The following PTPRR variants were observed in gnomAD, a reference collection of about 807,000 sequenced individuals.
The protein encoded by PTPRR is protein tyrosine phosphatase receptor type R.
Under a neutral mutation model 77.2 loss-of-function variants are expected in PTPRR, and 38 were observed. That is an observed-to-expected ratio of 0.49 (90% confidence interval 0.38 to 0.65). The LOEUF is 0.65. Among genes scored for constraint, PTPRR ranks in the 30% least tolerant of loss-of-function variants. PTPRR has a pLI of 0.00. For missense variants in PTPRR, 744 were observed against 799.2 expected, an observed-to-expected ratio of 0.93 and a Z score of 0.83; for synonymous variants, 299 against 283.1, an observed-to-expected ratio of 1.06 and a Z score of -0.57.
intron 5 of PTPRR, 117 bp downstream of exon 5, chr12:70,754,074 G>T: frequency 2.1e-6 from 2 of 948,620 alleles, no homozygotes; most frequent in South Asian, 1.7e-5. Flanking sequence ...AATCTAGCAG[G>T]ATCATAGTCT....
At chr12:70,659,431 A>G (rs1592643636) in intron 12 of PTPRR, among the ~76,000 whole-genome samples, 1 of 152,162 alleles carries the variant, frequency 6.6e-6, no homozygotes, top group East Asian at 1.9e-4. Flanking sequence ...GACTGATTAG[A>G]TACTGATGTT....
intron 6 of PTPRR, among the ~76,000 whole-genome samples, chr12:70,704,877 G>T (rs1888561062): frequency 1.3e-5 from 2 of 152,082 alleles, no homozygotes; most frequent in South Asian, 4.1e-4. Context: ...CTTTTATTTT[G>T]TCTTGGAACT....
chr12:70,642,423 G>T (rs1199744504), intron 13 of PTPRR, among the ~76,000 whole-genome samples: 1 of 152,046 alleles, frequency 6.6e-6, no homozygotes, highest in East Asian at 1.9e-4. Context: ...CTCACTCCCA[G>T]CGTTGTGTCT....
Position 70,732,709 on chromosome 12 carries a change from C to T in PTPRR, c.1007+13109G>A, listed in dbSNP as rs1486966107. 2.0e-5 allele frequency among the ~76,000 whole-genome samples: 3 copies of T among 150,764 alleles called. No homozygotes were observed. The East Asian group carries it at 6.0e-4, about 30-fold the overall frequency. ...CCAAGTAGCTGGGATTACAGGCGCA[C>T]GTCACCACGCCTGGCTAATTTTTGT... On this transcript the variant is annotated intron_variant, in intron 6 of 13. Coordinates refer to ENST00000283228, the MANE Select transcript of PTPRR (RefSeq NM_002849.4).
chr12:70,912,870 A>T (rs758846492), intron 1 of PTPRR, among the ~76,000 whole-genome samples: 1 of 152,116 alleles, frequency 6.6e-6, no homozygotes, highest in Admixed American at 6.6e-5. Flanking sequence ...CGAAACTACT[A>T]ACATCCTTTA....
chr12:70,701,404 A>G, intron 6 of PTPRR, 81 bp from the exon 7 acceptor site: 1 of 1,240,040 alleles, frequency 8.1e-7, no homozygotes, highest in Non-Finnish European at 1.1e-6. Context: ...ACATGCACAC[A>G]ATTCAGTGAG....
intron 2 of PTPRR, among the ~76,000 whole-genome samples, chr12:70,839,071 C>G (rs1051896352): frequency 6.6e-6 from 1 of 152,070 alleles, no homozygotes; most frequent in Non-Finnish European, 1.5e-5. Flanking sequence ...TGTTTGCTGT[C>G]CACTTCTTTT....
At chr12:70,867,265 T>C (rs1384668736) in intron 2 of PTPRR, among the ~76,000 whole-genome samples, 1 of 152,042 alleles carries the variant, frequency 6.6e-6, no homozygotes, top group Admixed American at 6.6e-5. Context: ...TGTTTGTAGA[T>C]GACATGATTG....
chr12:70,883,780 TTTGA>T (rs1893188860), intron 2 of PTPRR, among the ~76,000 whole-genome samples: 1 of 152,226 alleles, frequency 6.6e-6, no homozygotes. Flanking sequence ...GGAAGCAGAC[TTTGA>T]TTGTCATGAA....
intron 13 of PTPRR, among the ~76,000 whole-genome samples, chr12:70,640,375 T>C (rs1885953753): frequency 6.6e-6 from 1 of 152,056 alleles, no homozygotes; most frequent in Admixed American, 6.6e-5. Context: ...AAGGCCTCAC[T>C]ATGTTGCCCA....
intron 1 of PTPRR, among the ~76,000 whole-genome samples, chr12:70,895,856 G>A (rs966388941): frequency 3.3e-5 from 5 of 151,630 alleles, no homozygotes; most frequent in Non-Finnish European, 7.4e-5. Flanking sequence ...TAAAAATTTT[G>A]GAAAAGTGAA....
chr12:70,870,013 G>T (rs1290019851), intron 2 of PTPRR, among the ~76,000 whole-genome samples: 1 of 152,184 alleles, frequency 6.6e-6, no homozygotes, highest in Admixed American at 6.5e-5. Flanking sequence ...GAAGGCTGTG[G>T]GAGGGGAGAG....
At chr12:70,767,034 C>A (rs572131368) in intron 2 of PTPRR, among the ~76,000 whole-genome samples, 210 of 152,176 alleles carry the variant, frequency 1.4e-3, no homozygotes, top group Non-Finnish European at 2.2e-3. Context: ...TGGAAAGGAA[C>A]AACCGGTACC....
At chr12:70,868,188 G>C (rs1275566248) in intron 2 of PTPRR, among the ~76,000 whole-genome samples, 1 of 151,982 alleles carries the variant, frequency 6.6e-6, no homozygotes, top group Non-Finnish European at 1.5e-5. Context: ...TTGACAAATG[G>C]GATCTAATTA....
In PTPRR at chr12:70,761,600, A is replaced by T; in HGVS notation, c.498T>A (p.Phe166Leu). ...CTGTTTTTCGGTTTATGGGAGACAC[A>T]AACAGTTCAATACTGTTCTTCTTTC... ...LIGKKNSIEL[F>L]VSPINRKTGI... is the part of the protein sequence containing the mutation. The change falls in exon 4 of 14, where the codon TTT becomes TTA. Residue 166 changes from phenylalanine (F) to leucine (L), a missense_variant. Transcript: ENST00000283228. 6.2e-7 allele frequency: 1 copy of T among 1,610,154 alleles called. No individual in the cohort carries two copies. Among genetic ancestry groups the T allele is most frequent in the South Asian group, 1.1e-5 (1 of 90,526 alleles).
intron 7 of PTPRR, among the ~76,000 whole-genome samples, chr12:70,699,398 T>C (rs1888341875): frequency 6.6e-6 from 1 of 152,198 alleles, no homozygotes; most frequent in Non-Finnish European, 1.5e-5. Flanking sequence ...AGCTGGACTA[T>C]ACTATGAATT....
At chr12:70,763,520 T>C (rs1481680523) in intron 3 of PTPRR, among the ~76,000 whole-genome samples, 2 of 152,198 alleles carry the variant, frequency 1.3e-5, no homozygotes, top group African/African-American at 2.4e-5. Context: ...CATTGTTGAT[T>C]CACAGAATAC....
At chr12:70,699,533 A>G (rs992829184) in intron 7 of PTPRR, among the ~76,000 whole-genome samples, 1 of 152,114 alleles carries the variant, frequency 6.6e-6, no homozygotes, top group African/African-American at 2.4e-5. Flanking sequence ...TGTAACCTCA[A>G]ACTCCTGGGC....
At chr12:70,764,276 T>C (rs1372063438) in intron 3 of PTPRR, among the ~76,000 whole-genome samples, 5 of 152,208 alleles carry the variant, frequency 3.3e-5, no homozygotes, top group South Asian at 2.1e-4. Flanking sequence ...TTACCTGATA[T>C]AGAAGCTTTC....
Sources: gnomAD v4.1 joint callset for allele counts (sites outside exome capture counted in the v4.1 genomes callset) on GRCh38, gnomAD v4.1.1 for gene constraint, MANE v1.5 for transcripts, NCBI Gene and HGNC (gene_info 2026-07-23, HGNC 2026-07-21) for gene names.